The following HPSE2 variants were observed in gnomAD, a reference collection of about 807,000 sequenced individuals.
HPSE2 encodes inactive heparanase-2.
A neutral mutation model predicts 60.5 loss-of-function variants in HPSE2; 38 were observed. The ratio of observed to expected loss-of-function variants is 0.63; its 90% confidence interval spans 0.48 to 0.82. HPSE2 has a LOEUF of 0.82. HPSE2 is among the 40% of genes least tolerant of loss of function. HPSE2 has a pLI of 0.00. For synonymous variants in HPSE2, 295 were observed against 293.2 expected, an observed-to-expected ratio of 1.01 and a Z score of -0.06; for missense variants, 713 against 740.4, an observed-to-expected ratio of 0.96 and a Z score of 0.43.
In HPSE2 at chr10:98,717,592, A is replaced by G. The variant is rs927156453; in HGVS notation, c.956+4065T>C. Among the ~76,000 whole-genome samples, 12 of 152,154 alleles carry G rather than the reference A, an allele frequency of 7.9e-5. No individual in the cohort carries two copies. In the East Asian group the frequency reaches 2.1e-3, roughly 27 times the overall value. On this transcript the variant is annotated intron_variant, in intron 5 of 11. Coordinates refer to ENST00000370552, the MANE Select transcript of HPSE2 (RefSeq NM_021828.5). ...TCAGGGAATAGAAAAGCCTGAGAACAGGGAGAGAGATGCGAGAATGGCTGG... is the reference window on the plus strand; with the variant it reads ...TCAGGGAATAGAAAAGCCTGAGAACGGGGAGAGAGATGCGAGAATGGCTGG...
At chr10:98,710,703 T>G (rs1948655073) in intron 5 of HPSE2, among the ~76,000 whole-genome samples, 1 of 152,226 alleles carries the variant, frequency 6.6e-6, no homozygotes. Context: ...GTGCTCAAGA[T>G]CACACAGGCA....
At chr10:98,752,206 G>T (rs1173497038) in intron 3 of HPSE2, among the ~76,000 whole-genome samples, 1 of 152,144 alleles carries the variant, frequency 6.6e-6, no homozygotes, top group Non-Finnish European at 1.5e-5. Context: ...AGAAAAATAT[G>T]TGACTGTGAC....
intron 3 of HPSE2, among the ~76,000 whole-genome samples, chr10:98,911,419 A>G (rs1464523262): frequency 1.3e-5 from 2 of 152,172 alleles, no homozygotes; most frequent in Non-Finnish European, 2.9e-5. Context: ...AAGCTGTGGG[A>G]AAGCCTCACA....
At chr10:98,724,542 A>C (rs1949018360) in intron 4 of HPSE2, among the ~76,000 whole-genome samples, 1 of 152,086 alleles carries the variant, frequency 6.6e-6, no homozygotes, top group South Asian at 2.1e-4. Context: ...GTCTTCGTTG[A>C]TCTGTCTAAT....
chr10:98,484,238 C>A (rs372797620), intron 10 of HPSE2, among the ~76,000 whole-genome samples: 17 of 147,752 alleles, frequency 1.2e-4, no homozygotes, highest in East Asian at 7.9e-4. Context: ...TTTTTCTTTC[C>A]TTTCTTCCTT....
At chr10:98,872,486 A>C (rs1952759956) in intron 3 of HPSE2, among the ~76,000 whole-genome samples, 1 of 152,066 alleles carries the variant, frequency 6.6e-6, no homozygotes, top group South Asian at 2.1e-4. Context: ...TTTTCTTTGG[A>C]GTAACTTAAA....
rs1476176109 is a variant in HPSE2, at chr10:99,182,409, C to T, written c.449-38010G>A. On this transcript the variant is annotated intron_variant, in intron 2 of 11. Coordinates refer to ENST00000370552, the MANE Select transcript of HPSE2 (RefSeq NM_021828.5). ...CAAGACTAAAAGCCAGGTATCCAGA[C>T]TTCCAGTTCTATAACATTTCTATGC... is the stretch of plus-strand genomic sequence containing the variant. 8.5e-5 allele frequency among the ~76,000 whole-genome samples: 13 copies of T among 152,312 alleles called. No individual in the cohort carries two copies. The South Asian group carries it at 1.2e-3, about 15-fold the overall frequency.
intron 3 of HPSE2, among the ~76,000 whole-genome samples, chr10:98,921,644 A>G (rs1954284764): frequency 6.6e-6 from 1 of 152,202 alleles, no homozygotes; most frequent in Non-Finnish European, 1.5e-5. Context: ...GGAGCTTTGC[A>G]TGGTTCATTA....
intron 2 of HPSE2, among the ~76,000 whole-genome samples, chr10:99,209,815 A>C (rs1379836662): frequency 3.9e-5 from 6 of 152,028 alleles, no homozygotes; most frequent in Non-Finnish European, 8.8e-5. Context: ...TCAGCCTCCC[A>C]AGTAGCTGGG....
At chr10:98,874,165 C>T (rs1264843201) in intron 3 of HPSE2, among the ~76,000 whole-genome samples, 1 of 137,606 alleles carries the variant, frequency 7.3e-6, no homozygotes, top group African/African-American at 3.1e-5. Flanking sequence ...TGTGTGTTCA[C>T]TCTGATGTTT....
chr10:99,087,313 G>A (rs921888400), intron 3 of HPSE2, among the ~76,000 whole-genome samples: 2 of 152,174 alleles, frequency 1.3e-5, no homozygotes, highest in African/African-American at 4.8e-5. Context: ...ATGGTTAGTA[G>A]CTTGTCGCTC....
intron 3 of HPSE2, among the ~76,000 whole-genome samples, chr10:98,885,384 A>G (rs534194511): frequency 3.3e-5 from 5 of 152,180 alleles, no homozygotes; most frequent in Non-Finnish European, 7.3e-5. Flanking sequence ...AAAATATTAC[A>G]TAAGCTTAAT....
chr10:99,290,629 T>G, the HPSE2 span, among the ~76,000 whole-genome samples: 1 of 152,136 alleles, frequency 6.6e-6, no homozygotes, highest in East Asian at 1.9e-4. Context: ...ATTTATGGAC[T>G]ATTGGCCCAT....
chr10:98,963,092 A>C (rs1035556530), intron 3 of HPSE2, among the ~76,000 whole-genome samples: 2 of 152,218 alleles, frequency 1.3e-5, no homozygotes, highest in African/African-American at 4.8e-5. Context: ...TGCACATAGC[A>C]TAAGATTTCT....
intron 5 of HPSE2, among the ~76,000 whole-genome samples, chr10:98,704,288 C>T (rs1236335770): frequency 6.6e-6 from 1 of 152,174 alleles, no homozygotes; most frequent in Admixed American, 6.5e-5. Flanking sequence ...ACATTCCATC[C>T]TCATGGATAG....
the HPSE2 span, among the ~76,000 whole-genome samples, chr10:99,307,832 G>A: frequency 0.77 from 103,474 of 133,874 alleles, 38,123 homozygotes; most frequent in African/African-American, 0.84. Context: ...TAGTAAATGC[G>A]CACACACACA....
chr10:98,952,363 G>GTGTGTGT (rs1955388634), intron 3 of HPSE2, among the ~76,000 whole-genome samples: 1 of 138,928 alleles, frequency 7.2e-6, no homozygotes. Context: ...TGTGTGTCAG[G>GTGTGTGT]GTGGGTATAG....
intron 3 of HPSE2, among the ~76,000 whole-genome samples, chr10:98,789,071 C>A (rs1484730550): frequency 2.0e-5 from 3 of 152,122 alleles, no homozygotes; most frequent in Non-Finnish European, 2.9e-5. Flanking sequence ...TATCTCTCTT[C>A]CCCAGTAGAA....
At chr10:98,745,896 C>G (rs1949617504) in intron 3 of HPSE2, among the ~76,000 whole-genome samples, 1 of 152,046 alleles carries the variant, frequency 6.6e-6, no homozygotes, top group Non-Finnish European at 1.5e-5. Context: ...CCAAGTTACC[C>G]CATTAGCAAT....
Sources: gnomAD v4.1 joint callset for allele counts (sites outside exome capture counted in the v4.1 genomes callset) on GRCh38, gnomAD v4.1.1 for gene constraint, MANE v1.5 for transcripts, NCBI Gene and HGNC (gene_info 2026-07-23, HGNC 2026-07-21) for gene names.